SGK1: variants seen among roughly 807,000 people sequenced by gnomAD.
The protein encoded by SGK1 is serum/glucocorticoid regulated kinase 1, also known as serine/threonine-protein kinase Sgk1.
A neutral mutation model predicts 64.2 loss-of-function variants in SGK1; 26 were observed. The ratio of observed to expected loss-of-function variants is 0.40; its 90% CI spans 0.30 to 0.56. The LOEUF is 0.56. Among genes scored for constraint, SGK1 ranks in the 20% least tolerant of loss-of-function variants. The pLI is 0.38. For synonymous variants in SGK1, 265 were observed against 239.7 expected (o/e 1.11, Z -0.98); for missense variants, 519 against 645.6 (o/e 0.80, Z 2.12).
At chr6:134,208,201 C>T (rs1015023738) in intron 2 of SGK1, among the ~76,000 whole-genome samples, 7 of 152,236 alleles carry the variant, frequency 4.6e-5, no homozygotes, top group East Asian at 3.9e-4. Flanking sequence ...CGTGAACCAC[C>T]GCACCTGGCC....
At chr6:134,286,429 G>A (rs965040857) in intron 1 of SGK1, among the ~76,000 whole-genome samples, 7 of 151,976 alleles carry the variant, frequency 4.6e-5, no homozygotes, top group Non-Finnish European at 7.4e-5. Flanking sequence ...GCACTCCAGC[G>A]TGGGTGACAG....
intron 1 of SGK1, among the ~76,000 whole-genome samples, chr6:134,300,309 C>T (rs1039350229): frequency 2.6e-5 from 4 of 151,590 alleles, no homozygotes; most frequent in African/African-American, 7.3e-5. Context: ...GAGGCCGAGA[C>T]GGGCAGATCA....
chr6:134,258,460 T>G (rs1776716372), intron 2 of SGK1, among the ~76,000 whole-genome samples: 2 of 152,234 alleles, frequency 1.3e-5, no homozygotes, highest in South Asian at 4.1e-4. Context: ...ATGCCAGCAC[T>G]TTGGGAGGCC....
At chr6:134,236,179 G>C (rs1044379995) in intron 2 of SGK1, among the ~76,000 whole-genome samples, 1 of 151,930 alleles carries the variant, frequency 6.6e-6, no homozygotes, top group Non-Finnish European at 1.5e-5. Context: ...TGAAGGAGGG[G>C]GATTCCAGGA....
At chr6:134,279,996 C>T (rs976625782) in intron 1 of SGK1, among the ~76,000 whole-genome samples, 2 of 151,936 alleles carry the variant, frequency 1.3e-5, no homozygotes, top group Admixed American at 6.6e-5. Flanking sequence ...AGGTCGAGAC[C>T]AGCCGGGGCA....
intron 1 of SGK1, among the ~76,000 whole-genome samples, chr6:134,312,829 G>A (rs1235466223): frequency 6.6e-6 from 1 of 151,968 alleles, no homozygotes; most frequent in East Asian, 1.9e-4. Flanking sequence ...CTGGAGTGCA[G>A]TGGCGAGACC....
At chr6:134,275,929 G>C (rs766633500) in intron 1 of SGK1, among the ~76,000 whole-genome samples, 2 of 152,168 alleles carry the variant, frequency 1.3e-5, no homozygotes, top group Non-Finnish European at 2.9e-5. Flanking sequence ...ATTTGTTTAA[G>C]TGGGAGCACA....
intron 1 of SGK1, among the ~76,000 whole-genome samples, chr6:134,305,363 C>CAAAAAAA (rs34637536): frequency 1.5e-5 from 1 of 65,622 alleles, no homozygotes; most frequent in Non-Finnish European, 2.7e-5. Context: ...TACTTCATCT[C>CAAAAAAA]AAAAAAAAAA....
chr6:134,232,777 G>A (rs897862727), intron 2 of SGK1, among the ~76,000 whole-genome samples: 29 of 151,836 alleles, frequency 1.9e-4, no homozygotes, highest in Non-Finnish European at 3.7e-4. Flanking sequence ...ACTTGAACCC[G>A]GGAGGCAGAG....
Position 134,174,706 on chromosome 6 carries a change from A to T in SGK1, c.362-120T>A, listed in dbSNP as rs775537230. On this transcript the variant is annotated intron_variant, in intron 3 of 13. Coordinates refer to ENST00000367858, the MANE Select transcript of SGK1 (RefSeq NM_001143676.3). ...TTCCACTTTGCGTCTCCTGGAGCAGAAGTCCCGCAAGATTCCTGCACTCAC... is the reference window on the plus strand; with the variant it reads ...TTCCACTTTGCGTCTCCTGGAGCAGTAGTCCCGCAAGATTCCTGCACTCAC... 16 of 1,613,984 alleles carry T rather than the reference A, an allele frequency of 9.9e-6. No individual in the cohort carries two copies. The African/African-American group carries it at 2.0e-4, about 20-fold the overall frequency.
rs1183810315 is a variant in SGK1, at chr6:134,200,498, G to A, written c.361+6858C>T. On this transcript the variant is annotated intron_variant, in intron 3 of 13. Transcript: ENST00000367858. ...TCTAGGCAATTCTACCAGATTTCAC[G>A]TAATGAAACTACCTTGAATAATTCC... Among the ~76,000 whole-genome samples, 4 of 152,156 alleles carry A rather than the reference G, an allele frequency of 2.6e-5. No individual in the cohort carries two copies. In the South Asian group the frequency reaches 6.2e-4, roughly 24 times the overall value.
chr6:134,169,658 T>C lies in SGK1; in HGVS notation c.*610A>G, dbSNP rs1010427665. On this transcript the variant is annotated 3_prime_UTR_variant, in exon 14 of 14. Transcript: ENST00000367858. The stretch of plus-strand genomic sequence containing the variant: ...ACGAGTCATTGCAAGACCATTTCAA[T>C]AAATTTTAGTTATTAACCGTATCTT... 1 of 152,654 alleles carries C rather than the reference T, an allele frequency of 6.6e-6. No individual in the cohort carries two copies. The allele number at this position is 152,654 out of a possible 1,614,324, so 9.5% of individuals were successfully genotyped here. A position where few individuals can be genotyped will look rare whatever the true frequency, so the allele number is the denominator to read the frequency against.
chr6:134,305,515 G>A (rs1304260028), intron 1 of SGK1, among the ~76,000 whole-genome samples: 1 of 150,432 alleles, frequency 6.6e-6, no homozygotes, highest in Non-Finnish European at 1.5e-5. Flanking sequence ...AGAGATTGCA[G>A]TGAGCCATGA....
intron 1 of SGK1, among the ~76,000 whole-genome samples, chr6:134,305,825 T>C (rs1193000726): frequency 1.3e-5 from 2 of 152,096 alleles, no homozygotes; most frequent in Non-Finnish European, 2.9e-5. Flanking sequence ...GATGGAACTT[T>C]AACATAAACC....
chr6:134,199,512 T>C (rs994700409), intron 3 of SGK1, among the ~76,000 whole-genome samples: 3 of 144,430 alleles, frequency 2.1e-5, no homozygotes, highest in African/African-American at 7.7e-5. Context: ...TGAGCTGAGA[T>C]TGCGTCACTG....
At chr6:134,184,687 C>T (rs916076377) in intron 3 of SGK1, among the ~76,000 whole-genome samples, 5 of 151,846 alleles carry the variant, frequency 3.3e-5, no homozygotes, top group African/African-American at 1.2e-4. Flanking sequence ...ATAGGGATAT[C>T]ATGTTTGTTT....
chr6:134,290,712 G>A (rs556140421), intron 1 of SGK1, among the ~76,000 whole-genome samples: 2 of 152,264 alleles, frequency 1.3e-5, no homozygotes, highest in Admixed American at 6.5e-5. Context: ...GGAGGCCTGC[G>A]AAGTCCTAGC....
Position 134,262,119 on chromosome 6 carries a change from G to A in SGK1, c.99C>T (p.Val33=). ...TGGGACTCTGATGCTTGTCCACACT[G>A]ACCATTGGGCTCTTGATCCACCTTC... ...RVRRWIKSPM[V]SVDKHQSPSL... Residue 33 remains valine, a synonymous_variant, in exon 2 of 14, where the codon GTC becomes GTT. Coordinates refer to ENST00000367858, the MANE Select transcript of SGK1 (RefSeq NM_001143676.3). 6.2e-7 allele frequency: 1 copy of A among 1,600,016 alleles called. No individual in the cohort carries two copies. The highest frequency in any genetic ancestry group is 2.2e-5 in the East Asian group (1 of 44,490).
chr6:134,194,777 C>A (rs367933470), intron 3 of SGK1, among the ~76,000 whole-genome samples: 3 of 152,136 alleles, frequency 2.0e-5, no homozygotes, highest in Non-Finnish European at 4.4e-5. Context: ...CCCGCCTCGG[C>A]CTCCCAAAGT....
Sources: gnomAD v4.1 joint callset for allele counts (sites outside exome capture counted in the v4.1 genomes callset) on GRCh38, gnomAD v4.1.1 for gene constraint, MANE v1.5 for transcripts, NCBI Gene and HGNC (gene_info 2026-07-23, HGNC 2026-07-21) for gene names.